PEAK1: variants seen among roughly 807,000 people sequenced by gnomAD.
PEAK1 encodes the protein pseudopodium enriched atypical kinase 1.
A neutral mutation model predicts 124.7 loss-of-function variants in PEAK1; 54 were observed. The ratio of observed to expected loss-of-function variants is 0.43; its 90% CI spans 0.35 to 0.54. The LOEUF is 0.54. Among genes scored for constraint, PEAK1 ranks in the 20% least tolerant of loss-of-function variants. The probability of loss-of-function intolerance (pLI) is 0.01; values close to 1 mark genes in which losing one functional copy is unlikely to be tolerated. For missense variants in PEAK1, 2,046 were observed against 2,134.5 expected, an observed-to-expected ratio of 0.96 and a Z score of 0.82; for synonymous variants, 719 against 760.0, an observed-to-expected ratio of 0.95 and a Z score of 0.89.
At chr15:77,118,270 C>A (rs1046972073) in intron 9 of PEAK1, among the ~76,000 whole-genome samples, 7 of 152,086 alleles carry the variant, frequency 4.6e-5, no homozygotes, top group African/African-American at 9.7e-5. Context: ...CAAACACAGA[C>A]CAATGGAGAT....
chr15:77,179,675 G>A lies in PEAK1; in HGVS notation c.2252C>T (p.Ser751Phe). The A allele has an allele frequency of 6.2e-7, 1 of 1,614,080 alleles. No individual in the cohort carries two copies. The highest frequency in any genetic ancestry group is 2.2e-5 in the East Asian group (1 of 44,880). Reference protein sequence around the residue: ...PVAKIEGTQESQMVGSSSTRE... With the variant: ...PVAKIEGTQEFQMVGSSSTRE... Reference sequence around the variant, plus strand: ...GGTGCTGCTGCTGCCCACCATCTGAGACTCCTGAGTGCCTTCTATTTTGGC... The same window carrying A: ...GGTGCTGCTGCTGCCCACCATCTGAAACTCCTGAGTGCCTTCTATTTTGGC... Residue 751 changes from serine to phenylalanine, a missense_variant, in exon 7 of 10, where the codon TCT becomes TTT. Ser to Phe is a radical substitution (Grantham distance 155). Coordinates refer to ENST00000682557, the MANE Select transcript of PEAK1 (RefSeq NM_001385026.1).
intron 5 of PEAK1, among the ~76,000 whole-genome samples, chr15:77,271,308 T>C (rs954999876): frequency 5.3e-5 from 8 of 152,160 alleles, no homozygotes; most frequent in Middle Eastern, 3.4e-3. Context: ...TGTGGAGAAA[T>C]AGGAACACTT....
chr15:77,279,283 C>G (rs1597080593), intron 5 of PEAK1, among the ~76,000 whole-genome samples: 2 of 152,218 alleles, frequency 1.3e-5, no homozygotes, highest in East Asian at 3.9e-4. Flanking sequence ...TCTTGGATCT[C>G]AGGAGGAGGG....
chr15:77,301,005 C>T (rs2063757111), intron 2 of PEAK1, among the ~76,000 whole-genome samples: 1 of 152,144 alleles, frequency 6.6e-6, no homozygotes, highest in Non-Finnish European at 1.5e-5. Flanking sequence ...GCATGTGCCA[C>T]CATGCCCAGC....
intron 5 of PEAK1, among the ~76,000 whole-genome samples, chr15:77,271,623 C>G (rs1418094569): frequency 2.0e-5 from 3 of 152,138 alleles, no homozygotes; most frequent in Non-Finnish European, 1.5e-5. Context: ...GAGTTCATGT[C>G]CTTTGTAGGG....
At chr15:77,283,591 C>T (rs1372901380) in intron 5 of PEAK1, among the ~76,000 whole-genome samples, 2 of 152,128 alleles carry the variant, frequency 1.3e-5, no homozygotes, top group East Asian at 1.9e-4. Flanking sequence ...AAAAGAAAAC[C>T]CACTTCAATA....
At chr15:77,262,688 G>C (rs1347737879) in intron 5 of PEAK1, among the ~76,000 whole-genome samples, 1 of 151,680 alleles carries the variant, frequency 6.6e-6, no homozygotes, top group African/African-American at 2.4e-5. Context: ...ACATTAGACA[G>C]ACCAACGAGA....
At chr15:77,252,215 A>G (rs2152926289) in intron 6 of PEAK1, among the ~76,000 whole-genome samples, 152 bp downstream of exon 6, 1 of 152,340 alleles carries the variant, frequency 6.6e-6, no homozygotes, top group Admixed American at 6.5e-5. Context: ...AACATTAAGG[A>G]CCAAAGCCTG....
rs114841376 is a variant in PEAK1, at chr15:77,403,952, T to G, written c.-666+16054A>C. The stretch of plus-strand genomic sequence containing the variant: ...GGGATACATTTACAAGTTTGTTGCA[T>G]GGGTAAACTGCGTGTCACAAGGGTT... On this transcript the variant is annotated intron_variant, in intron 1 of 9. Transcript: ENST00000682557. 1,147 of 967,920 alleles carry G rather than the reference T, an allele frequency of 1.2e-3. 2 individuals are homozygous for G. The African/African-American group carries it at 0.015, about 12-fold the overall frequency. The allele number at this position is 967,920 out of a possible 1,614,324, so 60.0% of individuals were successfully genotyped here.
intron 5 of PEAK1, among the ~76,000 whole-genome samples, chr15:77,265,963 G>A (rs2061702522): frequency 6.6e-6 from 1 of 152,152 alleles, no homozygotes; most frequent in African/African-American, 2.4e-5. Context: ...GTAGGGACAT[G>A]GATGAAATTG....
At chr15:77,419,488 G>A (rs1045356439) in intron 1 of PEAK1, 66 of 985,028 alleles carry the variant, frequency 6.7e-5, no homozygotes, top group Non-Finnish European at 7.7e-5. Context: ...GAAGGGAGCA[G>A]GCAGGGAGCC....
At chr15:77,372,202 T>C (rs2068692159) in intron 1 of PEAK1, among the ~76,000 whole-genome samples, 1 of 152,370 alleles carries the variant, frequency 6.6e-6, no homozygotes, top group Non-Finnish European at 1.5e-5. Context: ...CGATTTGCTA[T>C]ATTTAGTAGG....
intron 7 of PEAK1, among the ~76,000 whole-genome samples, chr15:77,168,657 G>A (rs2056297533): frequency 6.6e-6 from 1 of 152,142 alleles, no homozygotes; most frequent in Middle Eastern, 3.2e-3. Flanking sequence ...ATTGACTCCT[G>A]GATTACTGAG....
chr15:77,293,690 T>C (rs905824497), intron 2 of PEAK1, among the ~76,000 whole-genome samples: 1 of 152,206 alleles, frequency 6.6e-6, no homozygotes, highest in African/African-American at 2.4e-5. Flanking sequence ...ATGTAAAAGG[T>C]TAACTAAATA....
chr15:77,392,098 G>C (rs939867984), intron 1 of PEAK1, among the ~76,000 whole-genome samples: 1 of 152,208 alleles, frequency 6.6e-6, no homozygotes, highest in African/African-American at 2.4e-5. Flanking sequence ...TGAGATACAG[G>C]AAGGCCAGAC....
At chr15:77,363,368 C>T (rs976175032) in intron 2 of PEAK1, among the ~76,000 whole-genome samples, 1 of 152,128 alleles carries the variant, frequency 6.6e-6, no homozygotes, top group African/African-American at 2.4e-5. Context: ...GTCTCTGTGG[C>T]CTTTAACTGA....
Position 77,261,653 on chromosome 15 carries a change from G to A in PEAK1, c.-274-9127C>T, listed in dbSNP as rs142829444. Among the ~76,000 whole-genome samples the A allele has an allele frequency of 4.7e-3, 720 of 152,270 alleles. 2 individuals are homozygous for A. The highest frequency in any genetic ancestry group is 0.013 in the African/African-American group (557 of 41,534). ...TCTGATTGGTGTACCTGAAAGTGACGGGGAGAATGGAACCAACTTGGAAAA... is the reference window on the plus strand; with the variant it reads ...TCTGATTGGTGTACCTGAAAGTGACAGGGAGAATGGAACCAACTTGGAAAA... On this transcript the variant is annotated intron_variant, in intron 5 of 9. Transcript: ENST00000682557.
intron 2 of PEAK1, chr15:77,351,015 G>C (rs1245385449): frequency 2.3e-6 from 2 of 884,834 alleles, no homozygotes; most frequent in South Asian, 5.2e-5. Context: ...ATTGGTATTA[G>C]AGAAATACCA....
intron 2 of PEAK1, among the ~76,000 whole-genome samples, chr15:77,354,149 T>C (rs574248039): frequency 6.6e-6 from 1 of 152,322 alleles, no homozygotes; most frequent in East Asian, 1.9e-4. Context: ...TCCACTCAAC[T>C]ATCTCAGAGA....
Sources: allele counts gnomAD v4.1 joint callset (sites outside exome capture counted in the v4.1 genomes callset), GRCh38; gene constraint gnomAD v4.1.1; transcripts MANE v1.5; gene names NCBI Gene and HGNC (gene_info 2026-07-23, HGNC 2026-07-21).